Variants in CEP135 observed in about 807,000 individuals in gnomAD.
CEP135 encodes centrosomal protein of 135 kDa.
Under a neutral mutation model 157.3 loss-of-function variants are expected in CEP135, and 142 were observed. The observed-to-expected ratio is 0.90, with a 90% CI of 0.79 to 1.04. CEP135 has a LOEUF of 1.04. CEP135 is among the 50% of genes least tolerant of loss of function. CEP135 has a pLI of 0.00. For missense variants in CEP135, 1,317 were observed against 1,309.2 expected, an observed-to-expected ratio of 1.01 and a Z score of -0.09; for synonymous variants, 396 against 439.8, an observed-to-expected ratio of 0.90 and a Z score of 1.25.
In CEP135 at chr4:56,032,153, A is replaced by G. The variant is rs752625138; in HGVS notation, c.*805A>G. 1 of 152,170 alleles carries G rather than the reference A, an allele frequency of 6.6e-6. No individual in the cohort carries two copies. The highest frequency in any genetic ancestry group is 2.4e-5 in the African/African-American group (1 of 41,452). 9.4% of individuals were successfully genotyped at this position (152,170 alleles called of 1,614,324 possible). ...ATCTAAGGTTTCAAAGTATAAAAGT[A>G]TATGGGGTAGGCCGGGTGCAGTGGC... On this transcript the variant is annotated 3_prime_UTR_variant, in exon 26 of 26. Coordinates refer to ENST00000257287, the MANE Select transcript of CEP135 (RefSeq NM_025009.5).
At chr4:55,976,996 AT>A (rs1729246269) in intron 11 of CEP135, among the ~76,000 whole-genome samples, 1 of 144,220 alleles carries the variant, frequency 6.9e-6, no homozygotes, top group Non-Finnish European at 1.5e-5. Context: ...TGTTTTTTGT[AT>A]TTTTTGTAGA....
intron 25 of CEP135, 71 bp downstream of exon 25, chr4:56,024,685 A>T: frequency 1.9e-6 from 2 of 1,067,948 alleles, no homozygotes; most frequent in East Asian, 4.8e-5. Flanking sequence ...AGTTTTCTGC[A>T]TCAGGAAAGG....
At chr4:55,993,678 A>G (rs1258986499) in intron 15 of CEP135, among the ~76,000 whole-genome samples, 1 of 152,204 alleles carries the variant, frequency 6.6e-6, no homozygotes, top group Non-Finnish European at 1.5e-5. Flanking sequence ...TGGATCTAGC[A>G]TGTAATCCAT....
chr4:55,979,666 T>C (rs1020673900), intron 11 of CEP135, among the ~76,000 whole-genome samples: 1 of 152,122 alleles, frequency 6.6e-6, no homozygotes, highest in African/African-American at 2.4e-5. Flanking sequence ...AACTAGTGGC[T>C]CTAAAAAATT....
At chr4:55,952,342 C>A in intron 2 of CEP135, 99 bp downstream of exon 2, 1 of 712,180 alleles carries the variant, frequency 1.4e-6, no homozygotes, top group Non-Finnish European at 2.4e-6. Flanking sequence ...GGTAGCTTTC[C>A]GGAAAGGCTT....
In CEP135 at chr4:55,974,935, G is replaced by A. The variant is rs367627205; in HGVS notation, c.1439G>A (p.Arg480His). Residue 480 changes from arginine (R) to histidine (H), a missense_variant, in exon 11 of 26, where the codon CGT becomes CAT. Transcript: ENST00000257287. ...TCTTGCTCTACAAGTTATAGCGCAC[G>A]TGAAAAAAGTTCAATATTTAGAACA... ...RRSCSTSYSA[R>H]EKSSIFRTPE... 5.7e-5 allele frequency: 91 copies of A among 1,605,724 alleles called. 1 individual carries two copies. The South Asian group carries it at 5.9e-4, about 10-fold the overall frequency.
rs1438056567 is a variant in CEP135, at chr4:55,958,624, C to T, written c.615-1058C>T. Among the ~76,000 whole-genome samples, 4 of 152,178 alleles carry T rather than the reference C, an allele frequency of 2.6e-5. No homozygotes were observed. In the South Asian group the frequency reaches 6.2e-4, roughly 24 times the overall value. ...AATTGTCCTGTTTAATTTATATATGCACATTTTGTTTGTATTCAGAGTCAT... is the reference window on the plus strand; with the variant it reads ...AATTGTCCTGTTTAATTTATATATGTACATTTTGTTTGTATTCAGAGTCAT... On this transcript the variant is annotated intron_variant, in intron 5 of 25. Coordinates refer to ENST00000257287, the MANE Select transcript of CEP135 (RefSeq NM_025009.5).
At chr4:56,027,997 T>A (rs929370673) in intron 25 of CEP135, among the ~76,000 whole-genome samples, 1 of 152,188 alleles carries the variant, frequency 6.6e-6, no homozygotes, top group African/African-American at 2.4e-5. Context: ...AATTTGCCTA[T>A]TTTACATTTT....
intron 11 of CEP135, among the ~76,000 whole-genome samples, chr4:55,975,707 T>C (rs1247433255): frequency 6.6e-6 from 1 of 152,192 alleles, no homozygotes; most frequent in Non-Finnish European, 1.5e-5. Context: ...CTTGAAGGCT[T>C]ATGTGACATT....
intron 11 of CEP135, 106 bp from the exon 12 acceptor site, chr4:55,980,037 C>T (rs1729346821): frequency 2.1e-6 from 2 of 930,684 alleles, no homozygotes; most frequent in Middle Eastern, 2.6e-4. Flanking sequence ...GTTAAAGGCA[C>T]TTGTGTTCTT....
intron 4 of CEP135, among the ~76,000 whole-genome samples, chr4:55,956,918 T>G (rs1037165053): frequency 1.3e-5 from 2 of 152,050 alleles, no homozygotes; most frequent in Non-Finnish European, 2.9e-5. Flanking sequence ...CTGGCCGCAT[T>G]CAGCTTTTAA....
At position 55,974,972 on chromosome 4, in the gene CEP135, A is replaced by G. The variant is rs760809728; in HGVS notation, c.1473+3A>G. ...CAATATTTAGAACACCAGAAAAGGT[A>G]ATGTCCCTTTATAAGAGTAGGCCAG... On this transcript the variant is annotated splice_donor_region_variant and intron_variant, in intron 11 of 25. Transcript: ENST00000257287. 1.5e-5 allele frequency: 24 copies of G among 1,587,304 alleles called. No individual in the cohort carries two copies. Among genetic ancestry groups the G allele is most frequent in the Non-Finnish European group, 2.1e-5 (24 of 1,163,976 alleles).
intron 4 of CEP135, 110 bp from the exon 5 acceptor site, chr4:55,957,113 G>T: frequency 1.9e-6 from 2 of 1,077,590 alleles, no homozygotes; most frequent in Non-Finnish European, 2.7e-6. Flanking sequence ...TTGTCAATAT[G>T]TATTATGAAC....
chr4:55,965,348 A>T, intron 7 of CEP135: 4 of 260,894 alleles, frequency 1.5e-5, no homozygotes, highest in Non-Finnish European at 2.9e-5. Flanking sequence ...ATATTGAACA[A>T]CACAGTCTAT....
intron 6 of CEP135, among the ~76,000 whole-genome samples, chr4:55,963,284 A>G (rs1728739095): frequency 6.6e-6 from 1 of 152,138 alleles, no homozygotes; most frequent in Non-Finnish European, 1.5e-5. Context: ...TTCATCCTTT[A>G]GTCCAGCATA....
At chr4:56,021,327 T>G (rs1354463673) in intron 24 of CEP135, among the ~76,000 whole-genome samples, 1 of 152,158 alleles carries the variant, frequency 6.6e-6, no homozygotes, top group Non-Finnish European at 1.5e-5. Flanking sequence ...TGAGATCACA[T>G]AAATAGTAAG....
chr4:56,016,000 A>G (rs1421671730), intron 21 of CEP135, among the ~76,000 whole-genome samples: 2 of 152,226 alleles, frequency 1.3e-5, no homozygotes, highest in Non-Finnish European at 2.9e-5. Flanking sequence ...GCAAATGTGA[A>G]CAAGTTAAGA....
chr4:55,991,750 G>A (rs1169690810), intron 14 of CEP135, among the ~76,000 whole-genome samples, 184 bp from the exon 15 acceptor site: 1 of 152,058 alleles, frequency 6.6e-6, no homozygotes, highest in Non-Finnish European at 1.5e-5. Context: ...TGGTAGTGAG[G>A]AGAAAGAAAT....
chr4:56,007,441 A>T (rs1252123855), intron 17 of CEP135, among the ~76,000 whole-genome samples: 1 of 152,140 alleles, frequency 6.6e-6, no homozygotes, highest in Non-Finnish European at 1.5e-5. Flanking sequence ...GACCTGTGGA[A>T]TGTACCTCCT....
Sources: allele counts gnomAD v4.1 joint callset (sites outside exome capture counted in the v4.1 genomes callset), GRCh38; gene constraint gnomAD v4.1.1; transcripts MANE v1.5; gene names NCBI Gene and HGNC (gene_info 2026-07-23, HGNC 2026-07-21).